The following TBC1D5 variants were observed in gnomAD, a reference collection of about 807,000 sequenced individuals.
TBC1D5 encodes TBC1 domain family, member 5.
TBC1D5 carries 75 observed loss-of-function variants against 100.3 expected under a neutral mutation model. The observed-to-expected ratio is 0.75, with a 90% confidence interval of 0.62 to 0.91. TBC1D5 has a LOEUF of 0.91. Ranked by LOEUF, TBC1D5 falls within the 40% of genes least tolerant of loss-of-function variation. TBC1D5 has a pLI of 0.00. For missense variants in TBC1D5, 910 were observed against 942.4 expected (o/e 0.97, Z 0.45); for synonymous variants, 323 against 325.6 (o/e 0.99, Z 0.09).
At chr3:17,523,007 T>G (rs1027149098) in intron 2 of TBC1D5, among the ~76,000 whole-genome samples, 2 of 152,210 alleles carry the variant, frequency 1.3e-5, no homozygotes, top group African/African-American at 2.4e-5. Flanking sequence ...TTTGTCTTTC[T>G]CTGTGCTAAG....
chr3:17,382,596 T>C (rs1011193662), intron 9 of TBC1D5, among the ~76,000 whole-genome samples: 9 of 151,980 alleles, frequency 5.9e-5, no homozygotes, highest in African/African-American at 1.9e-4. Context: ...GATCTCACTC[T>C]TTCGCTCAGG....
At chr3:17,608,938 C>T (rs1044030774) in intron 2 of TBC1D5, among the ~76,000 whole-genome samples, 6 of 152,204 alleles carry the variant, frequency 3.9e-5, no homozygotes, top group African/African-American at 1.4e-4. Flanking sequence ...GCCAACTCCC[C>T]ACCCAGCTCT....
chr3:17,364,903 A>T (rs1355489464), intron 13 of TBC1D5, among the ~76,000 whole-genome samples: 1 of 152,106 alleles, frequency 6.6e-6, no homozygotes, highest in Non-Finnish European at 1.5e-5. Flanking sequence ...ACTCTATATG[A>T]TTTTTTTCAT....
intron 7 of TBC1D5, 125 bp from the exon 8 acceptor site, chr3:17,403,373 A>G: frequency 1.9e-6 from 1 of 518,180 alleles, no homozygotes; most frequent in Non-Finnish European, 3.1e-6. Flanking sequence ...TTGCAGATAG[A>G]AAACCTGAGA....
chr3:17,640,638 A>G (rs912132171), intron 1 of TBC1D5, among the ~76,000 whole-genome samples: 5 of 152,134 alleles, frequency 3.3e-5, no homozygotes, highest in African/African-American at 1.2e-4. Context: ...AAACAAATGA[A>G]CAAGTGTTAG....
chr3:17,424,047 A>G (rs1350856275), intron 4 of TBC1D5, among the ~76,000 whole-genome samples: 2 of 126,412 alleles, frequency 1.6e-5, no homozygotes, highest in Admixed American at 7.2e-5. Flanking sequence ...TAAAAATCTG[A>G]AAAAAAAAGC....
chr3:17,740,052 C>T (rs938389491), exon 1 of TBC1D5: 8 of 151,814 alleles, frequency 5.3e-5, no homozygotes, highest in African/African-American at 1.9e-4. Context: ...CAGTGGCTCA[C>T]ACCTGTAATT....
chr3:17,559,693 G>A (rs1387173975), intron 2 of TBC1D5, among the ~76,000 whole-genome samples: 6 of 151,538 alleles, frequency 4.0e-5, no homozygotes, highest in African/African-American at 1.5e-4. Flanking sequence ...GGGTTCAAGC[G>A]ATTCTCCTGC....
intron 10 of TBC1D5, among the ~76,000 whole-genome samples, chr3:17,376,287 C>T (rs1046775265): frequency 4.6e-5 from 7 of 152,096 alleles, no homozygotes; most frequent in Non-Finnish European, 8.8e-5. Context: ...TACATGTCTT[C>T]CTTTGATACA....
At chr3:17,334,246 A>T (rs550786223) in intron 13 of TBC1D5, among the ~76,000 whole-genome samples, 1 of 152,204 alleles carries the variant, frequency 6.6e-6, no homozygotes, top group African/African-American at 2.4e-5. Flanking sequence ...TTTCATAAAG[A>T]ATACTGACTT....
At chr3:17,169,964 C>T (rs370060184) in intron 19 of TBC1D5, among the ~76,000 whole-genome samples, 1 of 152,194 alleles carries the variant, frequency 6.6e-6, no homozygotes, top group African/African-American at 2.4e-5. Context: ...ATAGGGTTTG[C>T]GATCCTACCA....
chr3:17,220,730 GC>G (rs1241649298), intron 17 of TBC1D5, among the ~76,000 whole-genome samples: 1 of 151,908 alleles, frequency 6.6e-6, no homozygotes, highest in Non-Finnish European at 1.5e-5. Context: ...AACTCCTTAA[GC>G]CAGTGGCTTT....
intron 15 of TBC1D5, among the ~76,000 whole-genome samples, chr3:17,270,351 ATTTG>A (rs2079270626): frequency 1.3e-5 from 2 of 151,902 alleles, no homozygotes; most frequent in Admixed American, 6.6e-5. Flanking sequence ...TTTTCCCTTG[ATTTG>A]TTTAAGTTCC....
chr3:17,195,863 T>C (rs1394322127), intron 18 of TBC1D5, among the ~76,000 whole-genome samples: 1 of 152,110 alleles, frequency 6.6e-6, no homozygotes, highest in Non-Finnish European at 1.5e-5. Flanking sequence ...CATATGCCTA[T>C]CATACTTTTG....
intron 3 of TBC1D5, among the ~76,000 whole-genome samples, chr3:17,440,112 A>C (rs985142176): frequency 2.0e-4 from 30 of 152,220 alleles, no homozygotes; most frequent in African/African-American, 7.0e-4. Flanking sequence ...CAGTTTGATG[A>C]ATGTCCAACA....
chr3:17,252,947 C>G (rs571260324), intron 16 of TBC1D5, among the ~76,000 whole-genome samples: 1 of 152,258 alleles, frequency 6.6e-6, no homozygotes, highest in Non-Finnish European at 1.5e-5. Flanking sequence ...TCACATAAAC[C>G]TAAACATCCT....
At chr3:17,404,842 T>C (rs755548234) in intron 6 of TBC1D5, 30 bp downstream of exon 6, 6 of 1,555,946 alleles carry the variant, frequency 3.9e-6, no homozygotes, top group Non-Finnish European at 5.2e-6. Flanking sequence ...AAGAAAACAA[T>C]TACATTAATT....
intron 17 of TBC1D5, among the ~76,000 whole-genome samples, chr3:17,226,150 T>C (rs1159906200): frequency 6.7e-6 from 1 of 149,942 alleles, no homozygotes; most frequent in African/African-American, 2.5e-5. Flanking sequence ...TTTTCGTATC[T>C]GGTATGCACA....
chr3:17,701,820 G>A (rs374742939), intron 1 of TBC1D5, among the ~76,000 whole-genome samples: 2 of 151,104 alleles, frequency 1.3e-5, no homozygotes, highest in East Asian at 1.9e-4. Context: ...AAAATTACTA[G>A]AACACAATCC....
Sources: gnomAD v4.1 joint callset for allele counts (sites outside exome capture counted in the v4.1 genomes callset) on GRCh38, gnomAD v4.1.1 for gene constraint, MANE v1.5 for transcripts, NCBI Gene and HGNC (gene_info 2026-07-23, HGNC 2026-07-21) for gene names.